SH3BP5: variants seen among roughly 807,000 people sequenced by gnomAD.
SH3BP5 encodes the protein SH3 domain-binding protein 5.
In SH3BP5, 22 loss-of-function variants were observed where a neutral mutation model predicts 43.3. That is an observed-to-expected ratio of 0.51 (90% CI 0.36 to 0.73). The LOEUF is 0.73. SH3BP5 is among the 30% of genes least tolerant of loss of function. The probability of loss-of-function intolerance (pLI) is 0.00; values close to 1 mark genes in which losing one functional copy is unlikely to be tolerated. For synonymous variants in SH3BP5, 255 were observed against 225.8 expected (o/e 1.13, Z -1.16); for missense variants, 529 against 586.9 (o/e 0.90, Z 1.02).
At chr3:15,300,092 G>A (rs1255487453) in intron 3 of SH3BP5, among the ~76,000 whole-genome samples, 1 of 151,780 alleles carries the variant, frequency 6.6e-6, no homozygotes, top group African/African-American at 2.4e-5. Flanking sequence ...ACCATCAAAA[G>A]TGGAAAATGC....
intron 2 of SH3BP5, 74 bp from the exon 3 acceptor site, chr3:15,304,305 C>G: frequency 6.2e-7 from 1 of 1,609,360 alleles, no homozygotes. Flanking sequence ...TGGACCTAGA[C>G]AGAAACATCA....
At chr3:15,308,112 C>T (rs1401725647) in intron 2 of SH3BP5, among the ~76,000 whole-genome samples, 1 of 152,216 alleles carries the variant, frequency 6.6e-6, no homozygotes, top group African/African-American at 2.4e-5. Context: ...CCCTATCACT[C>T]TGGTGTCTGA....
At chr3:15,302,811 T>C (rs1438607388) in intron 3 of SH3BP5, among the ~76,000 whole-genome samples, 1 of 151,140 alleles carries the variant, frequency 6.6e-6, no homozygotes, top group South Asian at 2.1e-4. Flanking sequence ...ATTTTTTCTT[T>C]CTTTTTTTTT....
chr3:15,279,100 G>A (rs1697050256), intron 3 of SH3BP5, among the ~76,000 whole-genome samples: 1 of 152,144 alleles, frequency 6.6e-6, no homozygotes, highest in African/African-American at 2.4e-5. Context: ...AACCTGGGAG[G>A]TGGAGGTTGC....
intron 3 of SH3BP5, among the ~76,000 whole-genome samples, chr3:15,283,662 C>A (rs932242417): frequency 3.3e-5 from 5 of 152,218 alleles, no homozygotes; most frequent in Non-Finnish European, 5.9e-5. Flanking sequence ...AAGCTCTCAG[C>A]TCTTTCTCTG....
intron 3 of SH3BP5, among the ~76,000 whole-genome samples, chr3:15,299,483 A>ATTTTTT (rs60281447): frequency 5.4e-5 from 5 of 92,276 alleles, no homozygotes; most frequent in Non-Finnish European, 8.6e-5. Flanking sequence ...CAACAATTAG[A>ATTTTTT]TTTTTTTTTT....
At chr3:15,288,287 T>G (rs1453740903) in intron 3 of SH3BP5, among the ~76,000 whole-genome samples, 1 of 152,214 alleles carries the variant, frequency 6.6e-6, no homozygotes, top group Non-Finnish European at 1.5e-5. Context: ...ACAACCAGAA[T>G]TATATTTGAC....
At chr3:15,286,603 A>G (rs1178257599) in intron 3 of SH3BP5, among the ~76,000 whole-genome samples, 1 of 152,198 alleles carries the variant, frequency 6.6e-6, no homozygotes, top group African/African-American at 2.4e-5. Context: ...GCTACAGTGC[A>G]GTGGCAGTGG....
intron 1 of SH3BP5, among the ~76,000 whole-genome samples, chr3:15,331,422 T>A (rs73816881): frequency 0.025 from 3,750 of 152,204 alleles, 153 homozygotes; most frequent in African/African-American, 0.084. Context: ...AGCAATTTTT[T>A]TAAAAAAATG....
intron 4 of SH3BP5, among the ~76,000 whole-genome samples, chr3:15,262,716 G>C (rs1350277283): frequency 6.6e-6 from 1 of 151,974 alleles, no homozygotes; most frequent in Non-Finnish European, 1.5e-5. Context: ...ACAGTCCTTT[G>C]GGAGGCTGAG....
chr3:15,276,495 T>C (rs569096668), intron 3 of SH3BP5, among the ~76,000 whole-genome samples: 3 of 152,096 alleles, frequency 2.0e-5, no homozygotes, highest in Non-Finnish European at 4.4e-5. Context: ...AATTGGACGG[T>C]CTCCCCGCCA....
Position 15,269,814 on chromosome 3 carries a change from C to A in SH3BP5, c.394G>T (p.Ala132Ser). 3 of 1,609,414 alleles carry A rather than the reference C, an allele frequency of 1.9e-6. No homozygotes were observed. Among genetic ancestry groups the A allele is most frequent in the Non-Finnish European group, 2.5e-6 (3 of 1,176,886 alleles). ...TCGGCCAGGGAGATGGTCTCCTTGGCGGCACGGAGCACCTCTGTGGCCCTC... is the reference window on the plus strand; with the variant it reads ...TCGGCCAGGGAGATGGTCTCCTTGGAGGCACGGAGCACCTCTGTGGCCCTC... The part of the protein sequence containing the change: ...FQRATEVLRA[A>S]KETISLAEQR... The change falls in exon 4 of 9, where the codon GCC becomes TCC. Residue 132 changes from alanine to serine, a missense_variant. By Grantham distance (99) the Ala-to-Ser change is moderately conservative. Around this residue, in one of 3 missense-constraint regions of SH3BP5, gnomAD observed 85 missense variants for 140.8 expected, o/e 0.60. Transcript: ENST00000383791.
At position 15,322,641 on chromosome 3, in the gene SH3BP5, C is replaced by G. The variant is rs554844097; in HGVS notation, c.201+7863G>C. ...CTGCTTGAGCCCAGGAGTTTGAGACCAGCCTGGGCAACAAGGAGAGACCCC... is the reference window on the plus strand; with the variant it reads ...CTGCTTGAGCCCAGGAGTTTGAGACGAGCCTGGGCAACAAGGAGAGACCCC... On this transcript the variant is annotated intron_variant, in intron 2 of 8. Transcript: ENST00000383791. 3.3e-5 allele frequency among the ~76,000 whole-genome samples: 5 copies of G among 151,972 alleles called. No individual in the cohort carries two copies. In the South Asian group the frequency reaches 1.0e-3, roughly 32 times the overall value.
At chr3:15,311,295 G>A (rs1698051187) in intron 2 of SH3BP5, among the ~76,000 whole-genome samples, 1 of 152,168 alleles carries the variant, frequency 6.6e-6, no homozygotes, top group Admixed American at 6.5e-5. Context: ...GCCAGGTGCG[G>A]TGGCTCACTC....
At chr3:15,291,321 G>A (rs764692091) in intron 3 of SH3BP5, among the ~76,000 whole-genome samples, 3 of 152,158 alleles carry the variant, frequency 2.0e-5, no homozygotes, top group Non-Finnish European at 2.9e-5. Context: ...GGAACCCCAA[G>A]ACAGGGCAGC....
upstream of SH3BP5, chr3:15,341,374 C>T (rs1698763639): frequency 2.6e-5 from 4 of 152,418 alleles, no homozygotes; most frequent in South Asian, 8.3e-4. Flanking sequence ...TTCTCCAACT[C>T]CCATCTGGAA....
intron 3 of SH3BP5, among the ~76,000 whole-genome samples, chr3:15,287,944 AG>A (rs112504794): frequency 9.2e-5 from 14 of 152,362 alleles, no homozygotes; most frequent in African/African-American, 3.4e-4. Flanking sequence ...TGTACTAGCC[AG>A]GGTTCTCCAA....
intron 3 of SH3BP5, among the ~76,000 whole-genome samples, chr3:15,299,388 G>A (rs943109993): frequency 6.6e-6 from 1 of 151,442 alleles, no homozygotes; most frequent in Non-Finnish European, 1.5e-5. Context: ...AACTGGATCT[G>A]ACTCATTGGC....
At position 15,295,637 on chromosome 3, in the gene SH3BP5, G is replaced by A. The variant is rs563884576; in HGVS notation, c.330+8466C>T. Among the ~76,000 whole-genome samples, 6 of 152,312 alleles carry A rather than the reference G, an allele frequency of 3.9e-5. No individual in the cohort carries two copies. The South Asian group carries it at 8.3e-4, about 21-fold the overall frequency. On this transcript the variant is annotated intron_variant, in intron 3 of 8. Transcript: ENST00000383791. ...TACCACTGTTGGCTGTGAGTTCAGT[G>A]TTAATGAGTCAACAAAACGACACAT...
Sources: gnomAD v4.1 joint callset for allele counts (sites outside exome capture counted in the v4.1 genomes callset) on GRCh38, gnomAD v4.1.1 for gene constraint, gnomAD v4.1.1 regional missense constraint, MANE v1.5 for transcripts, NCBI Gene and HGNC (gene_info 2026-07-23, HGNC 2026-07-21) for gene names.